The following PNPLA3 variants were observed in gnomAD, a reference collection of about 807,000 sequenced individuals.
PNPLA3 encodes 1-acylglycerol-3-phosphate O-acyltransferase PNPLA3.
A neutral mutation model predicts 43.1 loss-of-function variants in PNPLA3; 42 were observed. That is an observed-to-expected ratio of 0.97 (90% CI 0.76 to 1.26). The LOEUF is 1.26. PNPLA3 is among the 50% of genes most tolerant of loss of function. PNPLA3 has a pLI of 0.00. For synonymous variants in PNPLA3, 272 were observed against 253.6 expected (o/e 1.07, Z -0.69); for missense variants, 647 against 621.4 (o/e 1.04, Z -0.44).
Position 43,928,895 on chromosome 22 carries a change from T to G in PNPLA3, c.486+6T>G. 6.2e-7 allele frequency: 1 copy of G among 1,608,112 alleles called. No homozygotes were observed. Among genetic ancestry groups the G allele is most frequent in the Non-Finnish European group, 8.5e-7 (1 of 1,174,596 alleles). On this transcript the variant is annotated splice_donor_region_variant and intron_variant, in intron 3 of 8. Transcript: ENST00000216180. ...CTCCTTCCTTCAGAGGCGTGGTAAG[T>G]CGGCTTTCTCTGCTAGCGCTGAGTC... is the stretch of plus-strand genomic sequence containing the variant.
intron 6 of PNPLA3, 112 bp downstream of exon 6, chr22:43,937,384 T>C (rs2050002942): frequency 2.0e-6 from 2 of 992,508 alleles, no homozygotes; most frequent in Admixed American, 2.0e-5. Context: ...CCATGACAGG[T>C]GGTTGGGAAC....
In PNPLA3 at chr22:43,946,268, C is replaced by T; in HGVS notation, c.1332C>T (p.Ala444=). 6.2e-7 allele frequency: 1 copy of T among 1,614,192 alleles called. No individual in the cohort carries two copies. Among genetic ancestry groups the T allele is most frequent in the South Asian group, 1.1e-5 (1 of 91,080 alleles). The change falls in exon 9 of 9, where the codon GCC becomes GCT. Residue 444 remains alanine (A), a synonymous_variant. Coordinates refer to ENST00000216180, the MANE Select transcript of PNPLA3 (RefSeq NM_025225.3). The part of the protein sequence containing the change: ...KGCPAETKAE[A]TPRSILRSSL... ...GTCCAGCAGAGACCAAAGCAGAGGC[C>T]ACCCCGCGGTCCATCCTCAGGTCCA...
At chr22:43,932,102 T>C (rs900177559) in intron 3 of PNPLA3, among the ~76,000 whole-genome samples, 2 of 152,170 alleles carry the variant, frequency 1.3e-5, no homozygotes, top group Admixed American at 6.5e-5. Context: ...TGGCTGGCTG[T>C]GATGGCTGTG....
chr22:43,935,449 C>T (rs2049988920), intron 5 of PNPLA3, among the ~76,000 whole-genome samples: 2 of 151,970 alleles, frequency 1.3e-5, no homozygotes, highest in African/African-American at 4.8e-5. Context: ...AGTACAGGTG[C>T]CAATGAGAAG....
intron 1 of PNPLA3, among the ~76,000 whole-genome samples, chr22:43,925,371 C>T (rs1401472895): frequency 1.3e-5 from 2 of 152,062 alleles, no homozygotes; most frequent in Non-Finnish European, 2.9e-5. Flanking sequence ...ATTTGTGTGC[C>T]ACAGTCCTGG....
chr22:43,925,232 C>T (rs191144388), intron 1 of PNPLA3, among the ~76,000 whole-genome samples: 5 of 152,226 alleles, frequency 3.3e-5, no homozygotes, highest in Admixed American at 6.5e-5. Flanking sequence ...AATGAGATTC[C>T]GTACATTTGA....
At chr22:43,940,146 C>G (rs369346918) in intron 7 of PNPLA3, 21 bp downstream of exon 7, 1 of 1,609,532 alleles carries the variant, frequency 6.2e-7, no homozygotes, top group Non-Finnish European at 8.5e-7. Context: ...TAGGTGGCTC[C>G]GTGTCTTCCT....
chr22:43,940,143 C>T lies in PNPLA3; in HGVS notation c.1112+18C>T, dbSNP rs112092226. On this transcript the variant is annotated intron_variant, in intron 7 of 8. Transcript: ENST00000216180. ...GTCCAGAGGTGAGCATTTTAGGTGG[C>T]TCCGTGTCTTCCTCACAGGGTTGAT... The T allele has an allele frequency of 1.4e-3, 2,300 of 1,611,150 alleles. 22 individuals carry two copies. In the African/African-American group the frequency reaches 0.027, roughly 19 times the overall value.
intron 7 of PNPLA3, among the ~76,000 whole-genome samples, chr22:43,942,026 A>G (rs1262077237): frequency 6.6e-6 from 1 of 152,152 alleles, no homozygotes; most frequent in Non-Finnish European, 1.5e-5. Context: ...ATAACCTCAG[A>G]TGCTGTGTTC....
At position 43,937,043 on chromosome 22, in the gene PNPLA3, C is replaced by T; in HGVS notation, c.758-8C>T. The T allele has an allele frequency of 6.2e-7, 1 of 1,611,658 alleles. No homozygotes were observed. Among genetic ancestry groups the T allele is most frequent in the African/African-American group, 1.3e-5 (1 of 75,048 alleles). ...GCCTGATGGGCTTGTTTTCCGTGCC[C>T]TTCACAGGCATCTGCAACAGGCCCC... On this transcript the variant is annotated splice_polypyrimidine_tract_variant and splice_region_variant and intron_variant, in intron 5 of 8. Coordinates refer to ENST00000216180, the MANE Select transcript of PNPLA3 (RefSeq NM_025225.3).
Position 43,937,271 on chromosome 22 carries a change from A to G in PNPLA3, c.978A>G (p.Thr326=). 1 of 1,613,530 alleles carries G rather than the reference A, an allele frequency of 6.2e-7. No homozygotes were observed. Among genetic ancestry groups the G allele is most frequent in the Non-Finnish European group, 8.5e-7 (1 of 1,179,920 alleles). The part of the protein sequence containing the change: ...ILDTLSPRLA[T]ALSEEMKDKG... The stretch of plus-strand genomic sequence containing the variant: ...ACACCCTCTCGCCCAGGCTCGCTAC[A>G]GGTACCCACTCCTCGGGGTGAGCAC... The change falls in exon 6 of 9, where the codon ACA becomes ACG. Residue 326 remains threonine, a splice_region_variant and synonymous_variant. Transcript: ENST00000216180.
At position 43,937,191 on chromosome 22, in the gene PNPLA3, G is replaced by A; in HGVS notation, c.898G>A (p.Glu300Lys). ...AALAVRLEGD[E>K]LLDHLRLSIL... ...CTTGGCTGTGAGGCTGGAGGGAGAT[G>A]AGCTGCTAGACCACCTGCGTCTCAG... is the stretch of plus-strand genomic sequence containing the variant. The change falls in exon 6 of 9, where the codon GAG (glutamate) becomes AAG (lysine). Residue 300 changes from glutamate to lysine, a missense_variant. Physicochemically the swap from Glu to Lys is moderately conservative, Grantham distance 56. Coordinates refer to ENST00000216180, the MANE Select transcript of PNPLA3 (RefSeq NM_025225.3). The A allele has an allele frequency of 6.2e-7, 1 of 1,614,166 alleles. No homozygotes were observed. The highest frequency in any genetic ancestry group is 8.5e-7 in the Non-Finnish European group (1 of 1,180,030).
rs557482338 is a variant in PNPLA3, at chr22:43,933,078, G to A, written c.687G>A (p.Pro229=). 1.7e-5 allele frequency: 27 copies of A among 1,613,470 alleles called. No individual in the cohort carries two copies. Among genetic ancestry groups the A allele is most frequent in the South Asian group, 1.2e-4 (11 of 91,044 alleles). Residue 229 remains proline (P), a synonymous_variant, in exon 4 of 9, where the codon CCG becomes CCA. Transcript: ENST00000216180. ...LYLLSRAFVP[P]DLKVLGEICL... Reference sequence around the variant, plus strand: ...TTCTCTCGAGAGCTTTTGTCCCCCCGGATCTCAAGGTGAGTTGGTGGTGAG... The same window carrying A: ...TTCTCTCGAGAGCTTTTGTCCCCCCAGATCTCAAGGTGAGTTGGTGGTGAG...
chr22:43,931,599 C>T (rs2049961981), intron 3 of PNPLA3, among the ~76,000 whole-genome samples: 1 of 152,106 alleles, frequency 6.6e-6, no homozygotes, highest in South Asian at 2.1e-4. Context: ...CACTGCAACC[C>T]TCGGCTCCTG....
intron 2 of PNPLA3, 94 bp downstream of exon 2, chr22:43,927,261 G>A: frequency 8.7e-7 from 1 of 1,147,840 alleles, no homozygotes. Context: ...CACTTTGGGA[G>A]GCCGAAGCGG....
intron 1 of PNPLA3, among the ~76,000 whole-genome samples, chr22:43,924,523 C>T (rs1441567968): frequency 1.3e-5 from 2 of 152,214 alleles, no homozygotes; most frequent in Admixed American, 1.3e-4. Flanking sequence ...GGCTGAGCTG[C>T]CGAGGGGCCG....
At chr22:43,925,080 T>TTCCTCC (rs138736648) in intron 1 of PNPLA3, among the ~76,000 whole-genome samples, 5 of 151,250 alleles carry the variant, frequency 3.3e-5, no homozygotes, top group South Asian at 4.2e-4. Flanking sequence ...GGAAAGTTGT[T>TTCCTCC]TCCTCCTCCT....
chr22:43,925,997 G>A (rs2049919473), intron 1 of PNPLA3, among the ~76,000 whole-genome samples: 1 of 152,240 alleles, frequency 6.6e-6, no homozygotes, highest in Non-Finnish European at 1.5e-5. Flanking sequence ...AGGTGGATCT[G>A]GAGGCGTTGG....
At chr22:43,924,954 G>C (rs764379543) in intron 1 of PNPLA3, among the ~76,000 whole-genome samples, 2 of 152,050 alleles carry the variant, frequency 1.3e-5, no homozygotes, top group Non-Finnish European at 2.9e-5. Flanking sequence ...TGCTGCCTAC[G>C]CTCTCTGGGT....
Sources: allele counts gnomAD v4.1 joint callset (sites outside exome capture counted in the v4.1 genomes callset), GRCh38; gene constraint gnomAD v4.1.1; transcripts MANE v1.5; gene names NCBI Gene and HGNC (gene_info 2026-07-23, HGNC 2026-07-21).